The following FAM107B variants were observed in gnomAD, a reference collection of about 807,000 sequenced individuals.
FAM107B encodes protein FAM107B.
FAM107B carries 21 observed loss-of-function variants against 31.5 expected under a neutral mutation model. That is an observed-to-expected ratio of 0.67 (90% confidence interval 0.47 to 0.96). FAM107B has a LOEUF of 0.96. Among genes scored for constraint, FAM107B ranks in the 40% least tolerant of loss-of-function variants. The pLI is 0.00. For synonymous variants in FAM107B, 157 were observed against 141.5 expected (o/e 1.11, Z -0.78); for missense variants, 452 against 377.1 (o/e 1.20, Z -1.64).
At chr10:14,658,065 GC>G (rs1016075719) in intron 2 of FAM107B, among the ~76,000 whole-genome samples, 2 of 152,066 alleles carry the variant, frequency 1.3e-5, no homozygotes, top group Non-Finnish European at 2.9e-5. Flanking sequence ...ACCCACTTCG[GC>G]CCCCCAAAGT....
intron 3 of FAM107B, among the ~76,000 whole-genome samples, chr10:14,522,492 T>C (rs981695237): frequency 9.2e-5 from 14 of 151,398 alleles, no homozygotes; most frequent in Non-Finnish European, 1.5e-4. Context: ...CTAGGCTCAA[T>C]GCAACCTCCG....
At chr10:14,609,633 C>T (rs565756654) in intron 2 of FAM107B, among the ~76,000 whole-genome samples, 2 of 152,304 alleles carry the variant, frequency 1.3e-5, no homozygotes, top group African/African-American at 2.4e-5. Flanking sequence ...GTCAGGCACA[C>T]CCAGATCATC....
At chr10:14,591,650 A>C (rs1852022965) in intron 2 of FAM107B, among the ~76,000 whole-genome samples, 1 of 152,196 alleles carries the variant, frequency 6.6e-6, no homozygotes, top group Non-Finnish European at 1.5e-5. Context: ...AGGAAATGAA[A>C]GGGTCAAGCT....
chr10:14,625,261 T>C (rs1588666052), intron 2 of FAM107B, among the ~76,000 whole-genome samples: 1 of 49,698 alleles, frequency 2.0e-5, no homozygotes. Flanking sequence ...TGTGCGTGCG[T>C]GTGTGTGTGT....
At chr10:14,754,487 G>C (rs1403767553) in intron 1 of FAM107B, among the ~76,000 whole-genome samples, 1 of 152,164 alleles carries the variant, frequency 6.6e-6, no homozygotes, top group Non-Finnish European at 1.5e-5. Flanking sequence ...GTTGGAAAAG[G>C]AATGTGCCCT....
chr10:14,649,976 T>C (rs908285244), intron 2 of FAM107B, among the ~76,000 whole-genome samples: 2 of 152,194 alleles, frequency 1.3e-5, no homozygotes, highest in Non-Finnish European at 2.9e-5. Context: ...TTTCCTCCAG[T>C]ATCCTTAACA....
chr10:14,674,872 C>T (rs1434831082), intron 1 of FAM107B, among the ~76,000 whole-genome samples: 2 of 152,120 alleles, frequency 1.3e-5, no homozygotes, highest in East Asian at 3.8e-4. Context: ...GAAGCTGGGG[C>T]TATAGGCATG....
At chr10:14,523,232 T>C (rs1396497936) in intron 3 of FAM107B, among the ~76,000 whole-genome samples, 1 of 152,262 alleles carries the variant, frequency 6.6e-6, no homozygotes, top group East Asian at 1.9e-4. Context: ...TTTCTTCTTA[T>C]TGTCTTCCTT....
intron 2 of FAM107B, among the ~76,000 whole-genome samples, chr10:14,646,672 TG>T (rs1853761957): frequency 6.6e-6 from 1 of 152,138 alleles, no homozygotes; most frequent in African/African-American, 2.4e-5. Context: ...TCTTTTCCTT[TG>T]GGTGGGTACC....
intron 1 of FAM107B, among the ~76,000 whole-genome samples, chr10:14,714,085 C>T (rs996171388): frequency 3.9e-5 from 6 of 152,180 alleles, no homozygotes; most frequent in African/African-American, 1.4e-4. Flanking sequence ...GGGTACTAGA[C>T]TTATTCCCTA....
At chr10:14,603,846 C>A (rs2131378756) in intron 2 of FAM107B, among the ~76,000 whole-genome samples, 1 of 151,776 alleles carries the variant, frequency 6.6e-6, no homozygotes, top group Non-Finnish European at 1.5e-5. Context: ...CCACGCCGGG[C>A]GCCGCGGGGC....
intron 2 of FAM107B, among the ~76,000 whole-genome samples, chr10:14,598,736 T>A (rs1008425758): frequency 3.3e-5 from 5 of 152,188 alleles, no homozygotes; most frequent in Non-Finnish European, 7.3e-5. Context: ...GTAAAGAACA[T>A]TTTTTGAAAG....
At chr10:14,651,174 GC>G (rs1163409386) in intron 2 of FAM107B, among the ~76,000 whole-genome samples, 1 of 152,230 alleles carries the variant, frequency 6.6e-6, no homozygotes, top group Non-Finnish European at 1.5e-5. Context: ...TCATTGGCCA[GC>G]CCTATCTATA....
At chr10:14,522,117 G>T (rs1845713181) in intron 3 of FAM107B, 98 bp from the exon 4 acceptor site, 2 of 1,469,290 alleles carry the variant, frequency 1.4e-6, no homozygotes, top group African/African-American at 1.4e-5. Flanking sequence ...CGGAAAAGTG[G>T]TCTACAAAAT....
intron 2 of FAM107B, chr10:14,604,481 C>T (rs1318789540): frequency 6.6e-6 from 1 of 151,338 alleles, no homozygotes; most frequent in Admixed American, 6.6e-5. Flanking sequence ...CCCAACGCGC[C>T]CCGCCCTGGC....
At chr10:14,533,528 C>G (rs1027939769) in intron 2 of FAM107B, among the ~76,000 whole-genome samples, 6 of 152,248 alleles carry the variant, frequency 3.9e-5, no homozygotes, top group Admixed American at 3.9e-4. Context: ...CTCTCCTTTA[C>G]CTGACTGACT....
At chr10:14,600,991 T>C (rs1388571343) in intron 2 of FAM107B, among the ~76,000 whole-genome samples, 1 of 152,132 alleles carries the variant, frequency 6.6e-6, no homozygotes, top group Non-Finnish European at 1.5e-5. Context: ...GGTCTCACAC[T>C]CCTGGCCTCA....
At chr10:14,554,143 CAG>C (rs1849499167) in intron 2 of FAM107B, 4 of 985,400 alleles carry the variant, frequency 4.1e-6, no homozygotes, top group Non-Finnish European at 4.8e-6. Flanking sequence ...CTCGCCTGTT[CAG>C]AGAGTTAGAA....
At chr10:14,565,420 G>T (rs1221655758) in intron 2 of FAM107B, among the ~76,000 whole-genome samples, 1 of 152,142 alleles carries the variant, frequency 6.6e-6, no homozygotes, top group Non-Finnish European at 1.5e-5. Flanking sequence ...AGAAAGATGG[G>T]ACTCAAGCCT....
Sources: allele counts gnomAD v4.1 joint callset (sites outside exome capture counted in the v4.1 genomes callset), GRCh38; gene constraint gnomAD v4.1.1; transcripts MANE v1.5; gene names NCBI Gene and HGNC (gene_info 2026-07-23, HGNC 2026-07-21).